Variants in DLEU7 observed in about 807,000 individuals in gnomAD.
The protein encoded by DLEU7 is deleted in lymphocytic leukemia 7.
Under a neutral mutation model 16.0 loss-of-function variants are expected in DLEU7, and 17 were observed. That is an observed-to-expected ratio of 1.06 (90% CI 0.73 to 1.59). DLEU7 has a LOEUF of 1.59. Ranked by LOEUF, DLEU7 falls within the 40% of genes most tolerant of loss-of-function variation. DLEU7 has a pLI of 0.00. For missense variants in DLEU7, 308 were observed against 314.9 expected, an observed-to-expected ratio of 0.98 and a Z score of 0.17; for synonymous variants, 113 against 139.8, an observed-to-expected ratio of 0.81 and a Z score of 1.35.
rs1876962588 is a variant in DLEU7 at position 50,823,043 on chromosome 13, T to C, written c.*271A>G. 9.0e-7 allele frequency: 1 copy of C among 1,117,308 alleles called. No homozygotes were observed. The highest frequency in any genetic ancestry group is 4.1e-5 in the Admixed American group (1 of 24,110). The allele number at this position is 1,117,308 out of a possible 1,614,324, so 69.2% of individuals were successfully genotyped here. On this transcript the variant is annotated 3_prime_UTR_variant, in exon 2 of 2. Transcript: ENST00000504404. ...ATAAATATATACATACATAATCAAA[T>C]CAGCTTCACAAAGTAGAATGTATTT... is the stretch of plus-strand genomic sequence containing the variant.
At chr13:50,722,805 T>C (rs1035642694) in intron 1 of DLEU7, among the ~76,000 whole-genome samples, 9 of 152,232 alleles carry the variant, frequency 5.9e-5, no homozygotes, top group African/African-American at 2.2e-4. Context: ...ATTATAGATT[T>C]GCATGTAGTT....
chr13:50,843,693 A>T, upstream of DLEU7: 1 of 1,488,258 alleles, frequency 6.7e-7, no homozygotes, highest in Non-Finnish European at 8.9e-7. The surrounding 1 kb of genome is among the most constrained non-coding windows in gnomAD (Gnocchi z 5.7). Flanking sequence ...GTGGAGCAGC[A>T]GCGAGGGAGG....
intron 1 of DLEU7, among the ~76,000 whole-genome samples, chr13:50,746,899 G>A (rs915170293): frequency 1.3e-4 from 19 of 151,964 alleles, no homozygotes; most frequent in African/African-American, 3.6e-4. Context: ...AGTTTTCTCC[G>A]CATACATACA....
At chr13:50,721,387 G>A (rs1415081380) in intron 1 of DLEU7, among the ~76,000 whole-genome samples, 1 of 151,942 alleles carries the variant, frequency 6.6e-6, no homozygotes, top group African/African-American at 2.4e-5. Flanking sequence ...GATCGTGTGA[G>A]TCAATTCTCC....
At chr13:50,786,508 C>G (rs567933400) in intron 1 of DLEU7, among the ~76,000 whole-genome samples, 7 of 152,086 alleles carry the variant, frequency 4.6e-5, no homozygotes, top group Admixed American at 1.3e-4. Flanking sequence ...AATAAATACT[C>G]GTAGGATTCA....
At chr13:50,747,332 CTGTG>C (rs3039979) in intron 1 of DLEU7, among the ~76,000 whole-genome samples, 4,749 of 137,768 alleles carry the variant, frequency 0.034, 128 homozygotes, top group African/African-American at 0.076. Flanking sequence ...AAGAAAAACT[CTGTG>C]TGTGTGTGTG....
intron 1 of DLEU7, among the ~76,000 whole-genome samples, chr13:50,834,508 G>A (rs536596359): frequency 6.6e-6 from 1 of 152,072 alleles, no homozygotes; most frequent in East Asian, 1.9e-4. Context: ...TCTCATGCCA[G>A]GTAGAACGGA....
intron 1 of DLEU7, among the ~76,000 whole-genome samples, chr13:50,770,167 T>G (rs1159621736): frequency 2.6e-5 from 4 of 152,202 alleles, no homozygotes; most frequent in Non-Finnish European, 5.9e-5. Context: ...TAAGGAGATT[T>G]GGAGCCAAGA....
intron 1 of DLEU7, among the ~76,000 whole-genome samples, chr13:50,791,780 CA>C (rs998850410): frequency 6.6e-6 from 1 of 151,664 alleles, no homozygotes; most frequent in Non-Finnish European, 1.5e-5. Context: ...TGACAAAAAC[CA>C]AAAAAAATCA....
intron 1 of DLEU7, among the ~76,000 whole-genome samples, chr13:50,791,490 G>A (rs1176995640): frequency 1.3e-5 from 2 of 152,130 alleles, no homozygotes; most frequent in Non-Finnish European, 2.9e-5. Flanking sequence ...ATGTGTATGT[G>A]TTGGTGACAG....
At chr13:50,797,588 G>A (rs1876138979) in intron 1 of DLEU7, among the ~76,000 whole-genome samples, 1 of 152,152 alleles carries the variant, frequency 6.6e-6, no homozygotes, top group Admixed American at 6.5e-5. Flanking sequence ...CTTGTGTTTT[G>A]GTAGGTCTTG....
At chr13:50,839,356 T>C (rs935093652) in intron 1 of DLEU7, among the ~76,000 whole-genome samples, 5 of 152,254 alleles carry the variant, frequency 3.3e-5, no homozygotes, top group African/African-American at 1.2e-4. Context: ...TAAGCATTTT[T>C]CATCCACCAT....
chr13:50,775,506 T>C (rs1257719632), intron 1 of DLEU7, among the ~76,000 whole-genome samples: 2 of 152,232 alleles, frequency 1.3e-5, no homozygotes, highest in African/African-American at 4.8e-5. Flanking sequence ...TTCTAGCTTT[T>C]GTTTTCTCTT....
At chr13:50,735,834 T>C (rs951277203) in intron 1 of DLEU7, among the ~76,000 whole-genome samples, 16 of 152,142 alleles carry the variant, frequency 1.1e-4, no homozygotes, top group African/African-American at 3.6e-4. Context: ...GGCATGATTA[T>C]TACTAAAACG....
chr13:50,750,647 C>T (rs931806990), intron 1 of DLEU7, among the ~76,000 whole-genome samples: 1 of 152,048 alleles, frequency 6.6e-6, no homozygotes, highest in Non-Finnish European at 1.5e-5. Flanking sequence ...GGTCTTTCAC[C>T]TCCTTGGTTA....
At chr13:50,783,633 T>A (rs1037374245) in intron 1 of DLEU7, among the ~76,000 whole-genome samples, 6 of 152,126 alleles carry the variant, frequency 3.9e-5, no homozygotes, top group Non-Finnish European at 8.8e-5. Flanking sequence ...CAAAAGAAAG[T>A]ACAGGCTATA....
intron 1 of DLEU7, among the ~76,000 whole-genome samples, chr13:50,766,345 C>T: frequency 6.6e-6 from 1 of 152,222 alleles, no homozygotes; most frequent in East Asian, 1.9e-4. Context: ...TGGAGCCCTG[C>T]AGGCTCGTGC....
At chr13:50,747,537 G>A (rs1036373847) in intron 1 of DLEU7, among the ~76,000 whole-genome samples, 2 of 152,050 alleles carry the variant, frequency 1.3e-5, no homozygotes, top group Non-Finnish European at 2.9e-5. Flanking sequence ...TTCATAGATG[G>A]AGAAGCCCAA....
intron 1 of DLEU7, among the ~76,000 whole-genome samples, chr13:50,832,040 A>G (rs1877288320): frequency 6.6e-6 from 1 of 152,090 alleles, no homozygotes; most frequent in African/African-American, 2.4e-5. Flanking sequence ...TACGATTTGG[A>G]ATAGTTACAG....
Sources: gnomAD v4.1 joint callset for allele counts (sites outside exome capture counted in the v4.1 genomes callset) on GRCh38, gnomAD v4.1.1 for gene constraint, Gnocchi (gnomAD v3.1) non-coding constraint, MANE v1.5 for transcripts, NCBI Gene and HGNC (gene_info 2026-07-23, HGNC 2026-07-21) for gene names.